PDZD2: variants seen among roughly 807,000 people sequenced by gnomAD.
PDZD2 encodes the protein PDZ domain-containing protein 2.
Under a neutral mutation model 220.7 loss-of-function variants are expected in PDZD2, and 90 were observed. That is an observed-to-expected ratio of 0.41 (90% CI 0.34 to 0.49). The LOEUF (loss-of-function observed/expected upper bound fraction) is 0.49, where lower values mean the gene tolerates loss of function less well. Ranked by LOEUF, PDZD2 falls within the 20% of genes least tolerant of loss-of-function variation. The probability of loss-of-function intolerance (pLI) is 0.28; values close to 1 mark genes in which losing one functional copy is unlikely to be tolerated. For synonymous variants in PDZD2, 1,375 were observed against 1,450.5 expected (o/e 0.95, Z 1.18); for missense variants, 3,174 against 3,608.5 (o/e 0.88, Z 3.08).
At chr5:31,654,064 G>A (rs776713799) in intron 1 of PDZD2, among the ~76,000 whole-genome samples, 6 of 152,134 alleles carry the variant, frequency 3.9e-5, no homozygotes, top group East Asian at 1.9e-4. Flanking sequence ...GATTACAGGC[G>A]TGGGCCACCG....
chr5:31,849,885 TA>T (rs1757825277), intron 2 of PDZD2, among the ~76,000 whole-genome samples: 1 of 37,650 alleles, frequency 2.7e-5, no homozygotes, highest in African/African-American at 2.7e-4. Context: ...TATATATATA[TA>T]TACACATATA....
chr5:31,929,544 G>C (rs1745069059), intron 2 of PDZD2, among the ~76,000 whole-genome samples: 1 of 152,220 alleles, frequency 6.6e-6, no homozygotes, highest in Non-Finnish European at 1.5e-5. Context: ...TGAAAGCACA[G>C]ATACATGAAA....
intron 6 of PDZD2, among the ~76,000 whole-genome samples, chr5:32,017,270 C>T (rs1458292559): frequency 1.3e-5 from 2 of 152,084 alleles, no homozygotes; most frequent in African/African-American, 4.8e-5. Context: ...AACTCCATCT[C>T]TACTAAAAAT....
At position 32,057,720 on chromosome 5, in the gene PDZD2, A is replaced by T; in HGVS notation, c.1966A>T (p.Thr656Ser). The change falls in exon 11 of 25, where the codon ACC becomes TCC. Residue 656 changes from threonine to serine, a missense_variant. Thr to Ser is a moderately conservative substitution (Grantham distance 58). Around this residue, in one of 4 missense-constraint regions of PDZD2, gnomAD observed 1,861 missense variants for 2,001.0 expected, o/e 0.93. Coordinates refer to ENST00000438447, the MANE Select transcript of PDZD2 (RefSeq NM_178140.4). ...KGLTFQEAIH[T>S]FKQIRSGLFV... The stretch of plus-strand genomic sequence containing the variant: ...CTTGACATTTCAAGAAGCCATTCAT[A>T]CCTTTAAGGTAACAACATTCTTATT... 6.4e-7 allele frequency: 1 copy of T among 1,574,718 alleles called. No individual in the cohort carries two copies. Among genetic ancestry groups the T allele is most frequent in the South Asian group, 1.1e-5 (1 of 89,272 alleles).
chr5:31,874,077 G>C (rs1486844430), intron 2 of PDZD2, among the ~76,000 whole-genome samples: 1 of 152,154 alleles, frequency 6.6e-6, no homozygotes, highest in Non-Finnish European at 1.5e-5. Context: ...TGGATACTCA[G>C]GCAGGGTTTC....
At chr5:31,776,517 T>C (rs1222609144) in intron 1 of PDZD2, among the ~76,000 whole-genome samples, 2 of 151,302 alleles carry the variant, frequency 1.3e-5, no homozygotes, top group Non-Finnish European at 2.9e-5. Context: ...ACAGGTTACT[T>C]ATGTTGGCCA....
intron 1 of PDZD2, among the ~76,000 whole-genome samples, chr5:31,719,999 C>T (rs532722947): frequency 2.0e-5 from 3 of 152,342 alleles, no homozygotes; most frequent in East Asian, 1.9e-4. Context: ...CCAGGCAATG[C>T]GCTGCCCCAG....
intron 6 of PDZD2, among the ~76,000 whole-genome samples, chr5:32,018,449 G>A (rs893513035): frequency 1.3e-5 from 2 of 152,224 alleles, no homozygotes; most frequent in African/African-American, 4.8e-5. Context: ...CAAGGTGTTT[G>A]TGGTGCTCGT....
chr5:31,751,687 G>A (rs1410303856), intron 1 of PDZD2, among the ~76,000 whole-genome samples: 3 of 152,162 alleles, frequency 2.0e-5, no homozygotes, highest in Admixed American at 6.5e-5. Context: ...GGGGACATGA[G>A]CAGCCAGGAC....
chr5:31,928,945 A>G (rs184395223), intron 2 of PDZD2, among the ~76,000 whole-genome samples: 7 of 152,128 alleles, frequency 4.6e-5, no homozygotes, highest in Admixed American at 2.0e-4. Flanking sequence ...GTTTTGCCCT[A>G]TTTTTCCATT....
chr5:31,777,752 A>G (rs1285854455), intron 1 of PDZD2, among the ~76,000 whole-genome samples: 1 of 152,204 alleles, frequency 6.6e-6, no homozygotes, highest in Non-Finnish European at 1.5e-5. Context: ...AGGATTGTAA[A>G]TGCACCAATC....
At chr5:31,665,399 C>T (rs1394310351) in intron 1 of PDZD2, among the ~76,000 whole-genome samples, 2 of 152,110 alleles carry the variant, frequency 1.3e-5, no homozygotes, top group African/African-American at 2.4e-5. Context: ...ACAAATTCAG[C>T]TTGTGTTCTG....
At chr5:31,925,143 G>A (rs1024408903) in intron 2 of PDZD2, among the ~76,000 whole-genome samples, 4 of 152,216 alleles carry the variant, frequency 2.6e-5, no homozygotes, top group Non-Finnish European at 5.9e-5. Flanking sequence ...ATGCCTTTAA[G>A]TGAGGCCATG....
chr5:31,905,492 T>C (rs550721679), intron 2 of PDZD2, among the ~76,000 whole-genome samples: 1 of 152,370 alleles, frequency 6.6e-6, no homozygotes, highest in Non-Finnish European at 1.5e-5. Context: ...TCCGTGTTCT[T>C]GGCCTGCATT....
chr5:31,927,670 C>T (rs1380894948), intron 2 of PDZD2, among the ~76,000 whole-genome samples: 1 of 152,162 alleles, frequency 6.6e-6, no homozygotes, highest in Non-Finnish European at 1.5e-5. Flanking sequence ...CAAGCATGAT[C>T]CACCGCACCT....
chr5:31,674,067 C>A (rs911666383), intron 1 of PDZD2, among the ~76,000 whole-genome samples: 4 of 152,220 alleles, frequency 2.6e-5, no homozygotes, highest in Non-Finnish European at 5.9e-5. Flanking sequence ...AGAACTGAAT[C>A]TGCCTGAGCC....
intron 1 of PDZD2, among the ~76,000 whole-genome samples, chr5:31,788,781 T>C (rs1427238922): frequency 6.6e-6 from 1 of 152,260 alleles, no homozygotes; most frequent in East Asian, 1.9e-4. Context: ...GTTGTATGTT[T>C]GTGTGAGACA....
intron 3 of PDZD2, among the ~76,000 whole-genome samples, chr5:31,990,609 G>A (rs1751131476): frequency 6.6e-6 from 1 of 152,108 alleles, no homozygotes; most frequent in African/African-American, 2.4e-5. Flanking sequence ...CAGTCGCAAG[G>A]ACCATCATGG....
At chr5:31,764,605 C>T (rs1309317878) in intron 1 of PDZD2, among the ~76,000 whole-genome samples, 1 of 152,152 alleles carries the variant, frequency 6.6e-6, no homozygotes, top group Non-Finnish European at 1.5e-5. Flanking sequence ...GGAATTCTCT[C>T]CTCCCTGAAA....
Sources: gnomAD v4.1 joint callset for allele counts (sites outside exome capture counted in the v4.1 genomes callset) on GRCh38, gnomAD v4.1.1 for gene constraint, gnomAD v4.1.1 regional missense constraint, MANE v1.5 for transcripts, NCBI Gene and HGNC (gene_info 2026-07-23, HGNC 2026-07-21) for gene names.